The following NOS1AP variants were observed in gnomAD, a reference collection of about 807,000 sequenced individuals.
NOS1AP encodes carboxyl-terminal PDZ ligand of neuronal nitric oxide synthase protein.
A neutral mutation model predicts 56.2 loss-of-function variants in NOS1AP; 21 were observed. The observed-to-expected ratio is 0.37, with a 90% CI of 0.26 to 0.54. NOS1AP has a LOEUF of 0.54. Ranked by LOEUF, NOS1AP falls within the 20% of genes least tolerant of loss-of-function variation. The pLI is 0.84. For missense variants in NOS1AP, 522 were observed against 657.8 expected (o/e 0.79, Z 2.26); for synonymous variants, 270 against 274.6 (o/e 0.98, Z 0.17).
At chr1:162,354,245 G>A (rs956515743) in intron 6 of NOS1AP, among the ~76,000 whole-genome samples, 6 of 152,196 alleles carry the variant, frequency 3.9e-5, no homozygotes, top group East Asian at 1.9e-4. Context: ...TAATTGGTGC[G>A]TGGTCTCTGA....
intron 1 of NOS1AP, among the ~76,000 whole-genome samples, chr1:162,121,046 G>A (rs1254731668): frequency 6.7e-6 from 1 of 148,750 alleles, no homozygotes; most frequent in Non-Finnish European, 1.5e-5. Context: ...GGCCTATAGA[G>A]AGATGCCTTT....
chr1:162,322,472 G>C (rs1459753901), intron 4 of NOS1AP, among the ~76,000 whole-genome samples: 1 of 152,212 alleles, frequency 6.6e-6, no homozygotes, highest in Non-Finnish European at 1.5e-5. Context: ...CTCACATGCT[G>C]AGCAGGTGGC....
chr1:162,284,826 A>G (rs1175634150), intron 2 of NOS1AP, among the ~76,000 whole-genome samples: 3 of 152,240 alleles, frequency 2.0e-5, no homozygotes, highest in Admixed American at 2.0e-4. Context: ...GTAAGAAATC[A>G]TGATTAATAA....
chr1:162,360,053 C>T (rs1445155918), intron 8 of NOS1AP, among the ~76,000 whole-genome samples: 2 of 133,460 alleles, frequency 1.5e-5, no homozygotes, highest in Non-Finnish European at 3.1e-5. Flanking sequence ...TAGTCTAGTT[C>T]TGCTGTTGCC....
At chr1:162,208,685 C>T (rs111249836) in intron 2 of NOS1AP, among the ~76,000 whole-genome samples, 77 of 152,336 alleles carry the variant, frequency 5.1e-4, no homozygotes, top group African/African-American at 1.8e-3. Context: ...AAGGCAAGAT[C>T]ATCCCAGGCT....
chr1:162,308,909 C>T (rs568610403), intron 4 of NOS1AP, among the ~76,000 whole-genome samples: 2 of 152,246 alleles, frequency 1.3e-5, no homozygotes, highest in African/African-American at 4.8e-5. Flanking sequence ...AGAAATTAAG[C>T]TTCAGTGATA....
At chr1:162,222,333 A>G (rs1427057786) in intron 2 of NOS1AP, among the ~76,000 whole-genome samples, 4 of 152,226 alleles carry the variant, frequency 2.6e-5, no homozygotes, top group Non-Finnish European at 5.9e-5. Context: ...GGCTAGTATC[A>G]TAAATTTCTT....
At chr1:162,259,994 G>A (rs1269711836) in intron 2 of NOS1AP, among the ~76,000 whole-genome samples, 1 of 151,894 alleles carries the variant, frequency 6.6e-6, no homozygotes, top group Non-Finnish European at 1.5e-5. Flanking sequence ...TCTTCTTTTA[G>A]AATCCCTTCT....
intron 8 of NOS1AP, among the ~76,000 whole-genome samples, chr1:162,361,154 AC>A (rs1184136269): frequency 2.0e-4 from 30 of 152,250 alleles, no homozygotes; most frequent in African/African-American, 6.3e-4. Context: ...TGTAAGTACA[AC>A]ATTCATTGCC....
At chr1:162,226,611 G>A (rs929274870) in intron 2 of NOS1AP, among the ~76,000 whole-genome samples, 1 of 152,166 alleles carries the variant, frequency 6.6e-6, no homozygotes, top group Non-Finnish European at 1.5e-5. Flanking sequence ...TAATTTGGGG[G>A]CATCAGGAAG....
intron 2 of NOS1AP, among the ~76,000 whole-genome samples, chr1:162,242,112 C>T (rs1653505708): frequency 6.6e-6 from 1 of 152,190 alleles, no homozygotes; most frequent in African/African-American, 2.4e-5. Context: ...TATTGAACAT[C>T]TACAATGTGT....
intron 2 of NOS1AP, among the ~76,000 whole-genome samples, chr1:162,200,862 A>C (rs1651969850): frequency 6.6e-6 from 1 of 152,208 alleles, no homozygotes; most frequent in African/African-American, 2.4e-5. Flanking sequence ...GACACAAGTT[A>C]CTAGACCACA....
intron 2 of NOS1AP, among the ~76,000 whole-genome samples, chr1:162,237,744 G>A (rs1397451733): frequency 6.6e-6 from 1 of 152,204 alleles, no homozygotes; most frequent in Non-Finnish European, 1.5e-5. Context: ...ATCAGCTATA[G>A]CACTTAAAGG....
intron 1 of NOS1AP, among the ~76,000 whole-genome samples, chr1:162,115,157 T>C (rs1223285746): frequency 6.6e-6 from 1 of 152,214 alleles, no homozygotes; most frequent in Non-Finnish European, 1.5e-5. Flanking sequence ...CCTCCTCTTT[T>C]GGAGCTTTAC....
At chr1:162,149,581 G>T (rs1014718345) in intron 1 of NOS1AP, among the ~76,000 whole-genome samples, 9 of 152,186 alleles carry the variant, frequency 5.9e-5, no homozygotes, top group Non-Finnish European at 5.9e-5. Context: ...CTCTGGTTTT[G>T]CCCTGTGCAG....
intron 2 of NOS1AP, among the ~76,000 whole-genome samples, chr1:162,229,189 C>G (rs542687523): frequency 1.3e-5 from 2 of 152,118 alleles, no homozygotes; most frequent in African/African-American, 4.8e-5. Context: ...GGCTGTGGCT[C>G]GGGAAGGAGG....
chr1:162,193,788 G>A (rs1341300132), intron 2 of NOS1AP, among the ~76,000 whole-genome samples: 4 of 152,156 alleles, frequency 2.6e-5, no homozygotes, highest in Non-Finnish European at 5.9e-5. Flanking sequence ...TTTTTCTAAA[G>A]CCTGAGATCA....
At chr1:162,261,529 AG>A (rs776712976) in intron 2 of NOS1AP, among the ~76,000 whole-genome samples, 689 of 43,568 alleles carry the variant, frequency 0.016, 295 homozygotes, top group Non-Finnish European at 0.03. Flanking sequence ...AGAGAGAGAG[AG>A]AGAGAGAGAG....
chr1:162,225,875 G>A (rs1571142790), intron 2 of NOS1AP, among the ~76,000 whole-genome samples: 1 of 152,066 alleles, frequency 6.6e-6, no homozygotes, highest in East Asian at 1.9e-4. Context: ...AATACTAATA[G>A]CTCAAATTAT....
Sources: allele counts gnomAD v4.1 joint callset (sites outside exome capture counted in the v4.1 genomes callset), GRCh38; gene constraint gnomAD v4.1.1; transcripts MANE v1.5; gene names NCBI Gene and HGNC (gene_info 2026-07-23, HGNC 2026-07-21).